Variants in OCM observed in about 807,000 individuals in gnomAD.
OCM encodes the protein oncomodulin, also known as oncomodulin-1.
OCM carries 18 observed loss-of-function variants against 14.1 expected under a neutral mutation model. The ratio of observed to expected loss-of-function variants is 1.28; its 90% CI spans 0.88 to 1.89. OCM has a LOEUF of 1.89. OCM is among the 40% of genes most tolerant of loss of function. The pLI is 0.00. For synonymous variants in OCM, 48 were observed against 51.0 expected (o/e 0.94, Z 0.25); for missense variants, 140 against 137.6 (o/e 1.02, Z -0.09).
At chr7:5,883,823 A>T (rs1583172269) in intron 2 of OCM, 67 bp from the exon 3 acceptor site, 2 of 1,595,054 alleles carry the variant, frequency 1.3e-6, no homozygotes, top group East Asian at 4.5e-5. Context: ...TAGAGGAAAA[A>T]CAAAAGTGTA....
the OCM span, among the ~76,000 whole-genome samples, chr7:5,866,431 G>A: frequency 4.2e-4 from 41 of 98,110 alleles, 1 homozygote; most frequent in South Asian, 0.017. Flanking sequence ...GGAGGGAGGG[G>A]GAAGACAAGG....
At chr7:5,873,244 C>T in the OCM span, among the ~76,000 whole-genome samples, 12 of 151,922 alleles carry the variant, frequency 7.9e-5, no homozygotes, top group Non-Finnish European at 1.2e-4. Context: ...GGTATGGTGG[C>T]GCACACCTGT....
At chr7:5,873,473 A>T in the OCM span, among the ~76,000 whole-genome samples, 1 of 152,068 alleles carries the variant, frequency 6.6e-6, no homozygotes, top group Non-Finnish European at 1.5e-5. Flanking sequence ...TTGAGGCAGG[A>T]GGACTGCTCA....
chr7:5,871,569 G>A, the OCM span, among the ~76,000 whole-genome samples: 9 of 151,944 alleles, frequency 5.9e-5, no homozygotes, highest in African/African-American at 1.2e-4. Flanking sequence ...CATCATATTC[G>A]TGAACTGGGC....
At chr7:5,882,238 G>C (rs1173060577) in intron 1 of OCM, among the ~76,000 whole-genome samples, 2 of 151,962 alleles carry the variant, frequency 1.3e-5, no homozygotes, top group Non-Finnish European at 2.9e-5. Flanking sequence ...GGAGGGGGAG[G>C]CACAGAAGAG....
chr7:5,880,779 C>A (rs2128606489), upstream of OCM: 9 of 863,500 alleles, frequency 1.0e-5, no homozygotes, highest in Non-Finnish European at 1.4e-5. Context: ...AAAAAATAAT[C>A]TAGACACACA....
chr7:5,867,768 G>C, the OCM span, among the ~76,000 whole-genome samples: 4 of 150,958 alleles, frequency 2.6e-5, no homozygotes, highest in African/African-American at 4.9e-5. Flanking sequence ...GTTTTGGGGG[G>C]TTGTTTTTTC....
In OCM at chr7:5,882,590, C is replaced by T. The variant is rs143690446; in HGVS notation, c.159C>T (p.Asn53=). The change falls in exon 2 of 4, where the codon AAC becomes AAT. Residue 53 remains asparagine, a synonymous_variant. Transcript: ENST00000242104. ...QVKDVFRFID[N]DQSGYLDEEE... ...AGGATGTTTTCCGGTTCATAGACAACGACCAGAGCGGGTACCTGGATGAAG... is the reference window on the plus strand; with the variant it reads ...AGGATGTTTTCCGGTTCATAGACAATGACCAGAGCGGGTACCTGGATGAAG... 285 of 1,614,084 alleles carry T rather than the reference C, an allele frequency of 1.8e-4. 1 individual carries two copies. In the African/African-American group the frequency reaches 1.9e-3, roughly 11 times the overall value.
Position 5,886,067 on chromosome 7 carries a change from T to G in OCM, c.308T>G (p.Phe103Cys), listed in dbSNP as rs1290733894. The G allele has an allele frequency of 5.6e-6, 9 of 1,614,102 alleles. No individual in the cohort carries two copies. The highest frequency in any genetic ancestry group is 6.8e-6 in the Non-Finnish European group (8 of 1,179,998). Residue 103 changes from phenylalanine (F) to cysteine (C), a missense_variant, in exon 4 of 4, where the codon TTC becomes TGC. Phe to Cys is a radical substitution (Grantham distance 205). Transcript: ENST00000242104. ...DGDGKIGAEE[F>C]QEMVHS Reference sequence around the variant, plus strand: ...GTTCTCACCTCTTCTGTTCTAGAATTCCAGGAAATGGTGCATTCTTAAAAG... The same window carrying G: ...GTTCTCACCTCTTCTGTTCTAGAATGCCAGGAAATGGTGCATTCTTAAAAG...
the OCM span, among the ~76,000 whole-genome samples, chr7:5,864,811 G>A: frequency 0.015 from 2,241 of 152,104 alleles, 61 homozygotes; most frequent in African/African-American, 0.051. Flanking sequence ...GGTGGTGCGT[G>A]CCTGCAATCC....
upstream of OCM, among the ~76,000 whole-genome samples, chr7:5,880,543 G>A (rs1781189288): frequency 6.6e-6 from 1 of 152,156 alleles, no homozygotes; most frequent in Non-Finnish European, 1.5e-5. Context: ...CAGATCACCT[G>A]AGGTCAGGAG....
At chr7:5,861,959 G>A in the OCM span, among the ~76,000 whole-genome samples, 1 of 151,998 alleles carries the variant, frequency 6.6e-6, no homozygotes, top group Admixed American at 6.6e-5. Context: ...CTGTTCACAG[G>A]CACGAACATT....
the OCM span, among the ~76,000 whole-genome samples, chr7:5,873,798 T>G: frequency 1.3e-5 from 2 of 151,854 alleles, no homozygotes; most frequent in Admixed American, 1.3e-4. Flanking sequence ...GAAGATGAAG[T>G]TGAGAGATGT....
In OCM at chr7:5,883,886, G is replaced by A. The variant is rs1453904761; in HGVS notation, c.195-4G>A. ...AATCCCCATGGATCTTTATTATCCT[G>A]TAGGTTTTTCCTCCAGAAGTTTGAG... On this transcript the variant is annotated splice_polypyrimidine_tract_variant and splice_region_variant and intron_variant, in intron 2 of 3. Coordinates refer to ENST00000242104, the MANE Select transcript of OCM (RefSeq NM_001097622.2). 1 of 1,612,080 alleles carries A rather than the reference G, an allele frequency of 6.2e-7. No individual in the cohort carries two copies. Among genetic ancestry groups the A allele is most frequent in the Non-Finnish European group, 8.5e-7 (1 of 1,178,536 alleles).
chr7:5,860,352 G>GTA, the OCM span, among the ~76,000 whole-genome samples: 12 of 145,714 alleles, frequency 8.2e-5, no homozygotes, highest in African/African-American at 2.3e-4. Context: ...GTGTGTGTGT[G>GTA]TATATATATA....
chr7:5,882,138 C>T (rs1017532393), intron 1 of OCM, among the ~76,000 whole-genome samples: 9 of 143,472 alleles, frequency 6.3e-5, no homozygotes, highest in African/African-American at 2.3e-4. Flanking sequence ...GGCCATTTAG[C>T]CTGTTGAAAT....
chr7:5,865,058 A>G, the OCM span, among the ~76,000 whole-genome samples: 4 of 152,188 alleles, frequency 2.6e-5, no homozygotes, highest in African/African-American at 9.7e-5. Flanking sequence ...GTTTGATACC[A>G]TCGGATATGA....
chr7:5,880,135 G>A (rs1038192077), upstream of OCM, among the ~76,000 whole-genome samples: 4 of 152,170 alleles, frequency 2.6e-5, no homozygotes, highest in African/African-American at 9.7e-5. Flanking sequence ...ACAGGTGCAT[G>A]CCTTCTTCCA....
At chr7:5,875,546 A>G (rs1781078888), upstream of OCM, among the ~76,000 whole-genome samples, 2 of 151,850 alleles carry the variant, frequency 1.3e-5, no homozygotes, top group South Asian at 2.1e-4. Flanking sequence ...GGGCCCAAGC[A>G]ATCTTCCCAT....
Sources: gnomAD v4.1 joint callset for allele counts (sites outside exome capture counted in the v4.1 genomes callset) on GRCh38, gnomAD v4.1.1 for gene constraint, MANE v1.5 for transcripts, NCBI Gene and HGNC (gene_info 2026-07-23, HGNC 2026-07-21) for gene names.